Variants in SCAI observed in about 807,000 individuals in gnomAD.
SCAI encodes protein SCAI.
A neutral mutation model predicts 92.2 loss-of-function variants in SCAI; 24 were observed. The ratio of observed to expected loss-of-function variants is 0.26; its 90% CI spans 0.19 to 0.37. SCAI has a LOEUF of 0.37. Ranked by LOEUF, SCAI falls within the 10% of genes least tolerant of loss-of-function variation. The pLI is 1.00. For synonymous variants in SCAI, 261 were observed against 258.6 expected (o/e 1.01, Z -0.09); for missense variants, 450 against 736.2 (o/e 0.61, Z 4.50).
chr9:125,097,624 T>C (rs938887528), intron 2 of SCAI, among the ~76,000 whole-genome samples: 16 of 151,736 alleles, frequency 1.1e-4, no homozygotes, highest in African/African-American at 2.4e-4. Flanking sequence ...AATACCAGGA[T>C]AGTCTTACAG....
chr9:125,136,582 T>TG (rs1835536723), intron 2 of SCAI, among the ~76,000 whole-genome samples: 1 of 143,678 alleles, frequency 7.0e-6, no homozygotes, highest in Admixed American at 7.3e-5. Context: ...CGCCCCAGCC[T>TG]CCTGAGTAGC....
At chr9:125,029,233 T>A (rs1833023785) in intron 4 of SCAI, among the ~76,000 whole-genome samples, 1 of 152,180 alleles carries the variant, frequency 6.6e-6, no homozygotes, top group Non-Finnish European at 1.5e-5. Flanking sequence ...GCGATTCTCG[T>A]GCCACAGCCT....
rs1192634199 is a variant in SCAI, at chr9:124,951,903, C to A, written c.*904G>T. On this transcript the variant is annotated 3_prime_UTR_variant, in exon 18 of 18. Coordinates refer to ENST00000336505, the MANE Select transcript of SCAI (RefSeq NM_001144877.3). The stretch of plus-strand genomic sequence containing the variant: ...TTTAGGTTTCATAACACCCAGTTAC[C>A]CCTTACCAAAATTTAAAACATCTAT... 1.3e-5 allele frequency: 2 copies of A among 152,086 alleles called. No individual in the cohort carries two copies. The highest frequency in any genetic ancestry group is 4.8e-5 in the African/African-American group (2 of 41,398). 9.4% of individuals were successfully genotyped at this position (152,086 alleles called of 1,614,324 possible).
At chr9:125,034,739 C>A (rs935698217) in intron 3 of SCAI, among the ~76,000 whole-genome samples, 1 of 151,972 alleles carries the variant, frequency 6.6e-6, no homozygotes, top group African/African-American at 2.4e-5. Flanking sequence ...CATAGCAAGA[C>A]CCTGTCTCAA....
At chr9:125,109,224 A>G (rs1469959007) in intron 2 of SCAI, among the ~76,000 whole-genome samples, 2 of 152,168 alleles carry the variant, frequency 1.3e-5, no homozygotes, top group East Asian at 3.8e-4. Flanking sequence ...ACACTGCGGA[A>G]GGCCGCAGGG....
intron 2 of SCAI, among the ~76,000 whole-genome samples, chr9:125,092,474 C>A (rs1834452669): frequency 6.6e-6 from 1 of 152,014 alleles, no homozygotes; most frequent in African/African-American, 2.4e-5. Context: ...AACAAAAAAC[C>A]ACCAGAGAAA....
At chr9:125,078,326 A>G (rs1394088507) in intron 2 of SCAI, among the ~76,000 whole-genome samples, 1 of 152,154 alleles carries the variant, frequency 6.6e-6, no homozygotes, top group African/African-American at 2.4e-5. Context: ...CAAGAGTTCA[A>G]GACCAGCCTG....
At chr9:125,139,984 T>C (rs750527696) in intron 2 of SCAI, among the ~76,000 whole-genome samples, 81 of 152,130 alleles carry the variant, frequency 5.3e-4, no homozygotes, top group Non-Finnish European at 1.1e-3. Context: ...CCTAGCACTT[T>C]GGGAGGCCAA....
chr9:124,976,876 T>C (rs1326168791), intron 14 of SCAI, among the ~76,000 whole-genome samples: 1 of 152,042 alleles, frequency 6.6e-6, no homozygotes, highest in East Asian at 1.9e-4. Flanking sequence ...AGACATACCA[T>C]GTTCTTTTTT....
At chr9:125,023,295 T>C (rs987410214) in intron 6 of SCAI, among the ~76,000 whole-genome samples, 1 of 152,162 alleles carries the variant, frequency 6.6e-6, no homozygotes, top group South Asian at 2.1e-4. Flanking sequence ...ACCACAGCCA[T>C]GGGAAAATGA....
intron 3 of SCAI, among the ~76,000 whole-genome samples, chr9:125,054,398 T>C (rs995654578): frequency 1.9e-4 from 29 of 152,222 alleles, no homozygotes; most frequent in African/African-American, 7.0e-4. Context: ...CCTTGGGTTT[T>C]GTTTTTTTAT....
chr9:124,985,163 G>A (rs181087178), intron 14 of SCAI, among the ~76,000 whole-genome samples: 1 of 152,310 alleles, frequency 6.6e-6, no homozygotes, highest in East Asian at 1.9e-4. Context: ...GAATCCTAAA[G>A]GGCTATACTG....
At chr9:125,044,105 A>G (rs1326015086) in intron 3 of SCAI, among the ~76,000 whole-genome samples, 1 of 152,044 alleles carries the variant, frequency 6.6e-6, no homozygotes, top group African/African-American at 2.4e-5. Context: ...ACCTGTCACA[A>G]CTGACTGGGT....
chr9:125,035,961 T>G (rs1178279662), intron 3 of SCAI, among the ~76,000 whole-genome samples: 1 of 152,168 alleles, frequency 6.6e-6, no homozygotes, highest in Admixed American at 6.6e-5. Context: ...TAGCCATTCT[T>G]TTCTTTCTTT....
chr9:125,030,054 C>A (rs1833042405), intron 3 of SCAI, among the ~76,000 whole-genome samples: 2 of 152,154 alleles, frequency 1.3e-5, no homozygotes, highest in Non-Finnish European at 2.9e-5. Context: ...TGACAACTTC[C>A]AAATGTTTAT....
rs144577116 is a variant in SCAI at position 125,084,667 on chromosome 9, C to A, written c.99-28660G>T. On this transcript the variant is annotated intron_variant, in intron 2 of 17. Coordinates refer to ENST00000336505, the MANE Select transcript of SCAI (RefSeq NM_001144877.3). The stretch of plus-strand genomic sequence containing the variant: ...AGGAACCATATAGGCCACCTGCAAC[C>A]CCTTCAGGATTTCCCTTTCCGTAGA... Among the ~76,000 whole-genome samples, 152 of 152,270 alleles carry A rather than the reference C, an allele frequency of 1.0e-3. 3 individuals are homozygous for A. In the East Asian group the frequency reaches 0.028, roughly 28 times the overall value.
At chr9:125,047,586 G>A (rs1251464982) in intron 3 of SCAI, among the ~76,000 whole-genome samples, 1 of 152,154 alleles carries the variant, frequency 6.6e-6, no homozygotes, top group Non-Finnish European at 1.5e-5. Flanking sequence ...AACACCTCAT[G>A]GACCAGTGAA....
intron 2 of SCAI, among the ~76,000 whole-genome samples, chr9:125,097,314 T>C (rs1052590946): frequency 3.9e-5 from 6 of 151,976 alleles, no homozygotes; most frequent in African/African-American, 1.5e-4. Flanking sequence ...GTGCCTGTAA[T>C]CCCAGCTACT....
chr9:125,037,297 C>G (rs1833217246), intron 3 of SCAI, among the ~76,000 whole-genome samples: 1 of 151,310 alleles, frequency 6.6e-6, no homozygotes, highest in Non-Finnish European at 1.5e-5. Flanking sequence ...ATTAGCCAGG[C>G]CTGGTAGGAC....
Sources: allele counts gnomAD v4.1 joint callset (sites outside exome capture counted in the v4.1 genomes callset), GRCh38; gene constraint gnomAD v4.1.1; transcripts MANE v1.5; gene names NCBI Gene and HGNC (gene_info 2026-07-23, HGNC 2026-07-21).